Variants in MARCHF8 observed in about 807,000 individuals in gnomAD.
The protein encoded by MARCHF8 is E3 ubiquitin-protein ligase MARCHF8.
MARCHF8 carries 40 observed loss-of-function variants against 51.6 expected under a neutral mutation model. The observed-to-expected ratio is 0.77, with a 90% CI of 0.60 to 1.01. MARCHF8 has a LOEUF of 1.01. Ranked by LOEUF, MARCHF8 falls within the 50% of genes least tolerant of loss-of-function variation. The pLI is 0.00. For synonymous variants in MARCHF8, 263 were observed against 280.3 expected, an observed-to-expected ratio of 0.94 and a Z score of 0.62; for missense variants, 685 against 708.6, an observed-to-expected ratio of 0.97 and a Z score of 0.38.
At chr10:45,583,345 C>A (rs564745666) in intron 1 of MARCHF8, among the ~76,000 whole-genome samples, 8 of 152,194 alleles carry the variant, frequency 5.3e-5, no homozygotes, top group South Asian at 2.1e-4. Context: ...CTCCTTTGAC[C>A]AGGCAATTCC....
exon 1 of MARCHF8, chr10:45,594,668 C>G (rs991557338): frequency 6.6e-6 from 1 of 151,656 alleles, no homozygotes; most frequent in African/African-American, 2.4e-5. Flanking sequence ...GGCAGCCACA[C>G]CCCCTGCCCG....
At chr10:45,567,107 AT>A (rs2044373448) in intron 1 of MARCHF8, among the ~76,000 whole-genome samples, 1 of 152,126 alleles carries the variant, frequency 6.6e-6, no homozygotes, top group African/African-American at 2.4e-5. Flanking sequence ...TCTTTTGCCC[AT>A]TTTTAATTGG....
intron 1 of MARCHF8, among the ~76,000 whole-genome samples, chr10:45,559,078 G>T (rs376484586): frequency 6.6e-5 from 10 of 152,176 alleles, no homozygotes; most frequent in African/African-American, 2.4e-4. Flanking sequence ...GGAGGAATAT[G>T]TATTTTAGGA....
chr10:45,566,250 C>T (rs2044362509), intron 1 of MARCHF8, among the ~76,000 whole-genome samples: 1 of 152,178 alleles, frequency 6.6e-6, no homozygotes, highest in Non-Finnish European at 1.5e-5. Flanking sequence ...GGTATCCATA[C>T]CCTAAAGCGT....
rs3764990 is a variant in MARCHF8, at chr10:45,461,380, G to C, written c.1120C>G (p.Pro374Ala). 4.4e-6 allele frequency: 7 copies of C among 1,593,138 alleles called. No individual in the cohort carries two copies. The South Asian group carries it at 7.9e-5, about 18-fold the overall frequency. ...GTGCAGTGGCAGGGGGTGATCAGGG[G>C]GCTCTCATCATCTCCTTCACAGTGG... Reference protein sequence around the residue: ...ICHCEGDDESPLITPCHCTGS... With the variant: ...ICHCEGDDESALITPCHCTGS... The change falls in exon 6 of 8, where the codon CCC (proline) becomes GCC (alanine). Residue 374 changes from proline (P) to alanine (A), a missense_variant. Coordinates refer to ENST00000453424, the MANE Select transcript of MARCHF8 (RefSeq NM_001282866.2).
chr10:45,539,996 G>A (rs1432357499), upstream of MARCHF8, among the ~76,000 whole-genome samples: 1 of 152,182 alleles, frequency 6.6e-6, no homozygotes. Context: ...TACAAGGGAT[G>A]TGAAGGACCT....
intron 1 of MARCHF8, among the ~76,000 whole-genome samples, chr10:45,580,307 TAAAA>T (rs918080569): frequency 6.8e-6 from 1 of 147,676 alleles, no homozygotes; most frequent in South Asian, 2.1e-4. Flanking sequence ...TGATCTTAAG[TAAAA>T]AAAAAAATTC....
In MARCHF8 at chr10:45,518,972, T is replaced by C. The variant is rs139903279; in HGVS notation, c.102+14138A>G. Among the ~76,000 whole-genome samples the C allele has an allele frequency of 7.0e-3, 1,067 of 152,214 alleles. 9 individuals are homozygous for C. Among genetic ancestry groups the C allele is most frequent in the Middle Eastern group, 0.051 (15 of 294 alleles). ...CTTCGTAACACTTCCTTTGTCAGTG[T>C]TACAAAAGAAGTAACAAGGATCCCA... is the stretch of plus-strand genomic sequence containing the variant. On this transcript the variant is annotated intron_variant, in intron 2 of 7. Coordinates refer to ENST00000453424, the MANE Select transcript of MARCHF8 (RefSeq NM_001282866.2).
At chr10:45,468,222 T>C (rs936628470) in intron 3 of MARCHF8, among the ~76,000 whole-genome samples, 4 of 152,246 alleles carry the variant, frequency 2.6e-5, no homozygotes, top group Non-Finnish European at 5.9e-5. Context: ...AAAAAAACTT[T>C]TCCATATATC....
intron 1 of MARCHF8, among the ~76,000 whole-genome samples, chr10:45,590,419 T>C (rs2044665109): frequency 6.6e-6 from 1 of 152,120 alleles, no homozygotes; most frequent in Non-Finnish European, 1.5e-5. Context: ...CTGGGGAGCA[T>C]GTAGACAGGA....
At chr10:45,491,983 G>A (rs2043088736) in intron 2 of MARCHF8, among the ~76,000 whole-genome samples, 1 of 152,182 alleles carries the variant, frequency 6.6e-6, no homozygotes, top group African/African-American at 2.4e-5. Context: ...TGGGGTGAGG[G>A]AGAACTACCT....
At chr10:45,515,764 TA>T (rs2043608435) in intron 2 of MARCHF8, among the ~76,000 whole-genome samples, 1 of 152,208 alleles carries the variant, frequency 6.6e-6, no homozygotes, top group Non-Finnish European at 1.5e-5. Flanking sequence ...CCGTGTTGTC[TA>T]GGGGAACCCT....
At chr10:45,548,867 C>T (rs909812411) in intron 1 of MARCHF8, among the ~76,000 whole-genome samples, 2 of 151,738 alleles carry the variant, frequency 1.3e-5, no homozygotes, top group African/African-American at 4.8e-5. Context: ...TAGTGGCAGG[C>T]GCCTGTAATC....
intron 3 of MARCHF8, among the ~76,000 whole-genome samples, chr10:45,475,244 C>G (rs1291729026): frequency 6.6e-6 from 1 of 152,212 alleles, no homozygotes; most frequent in Non-Finnish European, 1.5e-5. Context: ...GCAAAGTGTG[C>G]ACTCCCTAGC....
At chr10:45,582,856 T>C (rs1378091155) in intron 1 of MARCHF8, among the ~76,000 whole-genome samples, 1 of 152,248 alleles carries the variant, frequency 6.6e-6, no homozygotes, top group Non-Finnish European at 1.5e-5. Context: ...AATGTAGTCA[T>C]AGACTACTAC....
chr10:45,504,416 C>T (rs1241094858), intron 2 of MARCHF8, among the ~76,000 whole-genome samples: 1 of 152,178 alleles, frequency 6.6e-6, no homozygotes, highest in East Asian at 1.9e-4. Context: ...TGCACTCCAG[C>T]GTGGGAAACA....
intron 1 of MARCHF8, among the ~76,000 whole-genome samples, chr10:45,573,239 C>T (rs1454173185): frequency 6.6e-6 from 1 of 152,152 alleles, no homozygotes. Context: ...CAGCTCCTGA[C>T]ATTAAATAAA....
chr10:45,486,189 T>C (rs1268694774), intron 3 of MARCHF8, among the ~76,000 whole-genome samples: 1 of 152,192 alleles, frequency 6.6e-6, no homozygotes, highest in Non-Finnish European at 1.5e-5. Flanking sequence ...TCCACTCAGA[T>C]ACTCTCCAAT....
chr10:45,561,970 A>G (rs2044316604), intron 1 of MARCHF8, among the ~76,000 whole-genome samples: 1 of 152,068 alleles, frequency 6.6e-6, no homozygotes, highest in South Asian at 2.1e-4. Flanking sequence ...AGCCAGTTTC[A>G]AACAATAAAA....
Sources: allele counts gnomAD v4.1 joint callset (sites outside exome capture counted in the v4.1 genomes callset), GRCh38; gene constraint gnomAD v4.1.1; transcripts MANE v1.5; gene names NCBI Gene and HGNC (gene_info 2026-07-23, HGNC 2026-07-21).